The following CFAP54 variants were observed in gnomAD, a reference collection of about 807,000 sequenced individuals.
The protein encoded by CFAP54 is cilia- and flagella-associated protein 54.
Under a neutral mutation model 370.4 loss-of-function variants are expected in CFAP54, and 290 were observed. The observed-to-expected ratio is 0.78, with a 90% CI of 0.71 to 0.86. CFAP54 has a LOEUF of 0.86. CFAP54 is among the 40% of genes least tolerant of loss of function. The probability of loss-of-function intolerance (pLI) is 0.00; values close to 1 mark genes in which losing one functional copy is unlikely to be tolerated. For missense variants in CFAP54, 3,399 were observed against 3,528.7 expected (o/e 0.96, Z 0.93); for synonymous variants, 1,206 against 1,236.5 (o/e 0.98, Z 0.52).
At chr12:96,733,342 A>G (rs1342549227) in intron 50 of CFAP54, among the ~76,000 whole-genome samples, 1 of 152,166 alleles carries the variant, frequency 6.6e-6, no homozygotes, top group Non-Finnish European at 1.5e-5. Context: ...TTGACATTTC[A>G]TGATACTTCT....
intron 63 of CFAP54, among the ~76,000 whole-genome samples, chr12:96,802,150 C>T (rs1464207177): frequency 6.6e-6 from 1 of 152,018 alleles, no homozygotes; most frequent in Non-Finnish European, 1.5e-5. Context: ...CAAGGAGGGA[C>T]AAGAAAACCA....
At chr12:96,604,430 G>GC (rs1565910972) in intron 26 of CFAP54, among the ~76,000 whole-genome samples, 6 of 152,232 alleles carry the variant, frequency 3.9e-5, no homozygotes, top group Non-Finnish European at 1.5e-5. Flanking sequence ...CACTTGAGGA[G>GC]GCAGTCTGTC....
At chr12:96,837,654 C>T (rs1331934816) in intron 66 of CFAP54, among the ~76,000 whole-genome samples, 1 of 152,224 alleles carries the variant, frequency 6.6e-6, no homozygotes, top group African/African-American at 2.4e-5. Context: ...AGGAATGACT[C>T]ATGATACATC....
chr12:96,621,875 G>GTTTGTTTTTTTTTTTTTTTTTTTTTTTT lies in CFAP54; in HGVS notation c.3771+157_3771+158insGTTTTTTTTTTTTTTTTTTTTTTTTTTT, dbSNP rs1956496257. 1.6e-4 allele frequency among the ~76,000 whole-genome samples: 8 copies of GTTTGTTTTTTTTTTTTTTTTTTTTTTTT among 50,036 alleles called. 2 individuals carry two copies. The highest frequency in any genetic ancestry group is 2.6e-4 in the Non-Finnish European group (8 of 30,232). 32.8% of individuals were successfully genotyped at this position (50,036 alleles called of 152,430 possible). On this transcript the variant is annotated intron_variant, in intron 27 of 67. Coordinates refer to ENST00000524981, the MANE Select transcript of CFAP54 (RefSeq NM_001306084.2). ...ATTATAGTAAAGAGCTTTTGGGTTT[G>GTTTGTTTTTTTTTTTTTTTTTTTTTTTT]TTTTTTTTTTTTTTTTTTTTTTTTT...
At chr12:96,709,911 AG>A (rs1453960606) in intron 48 of CFAP54, among the ~76,000 whole-genome samples, 1 of 151,886 alleles carries the variant, frequency 6.6e-6, no homozygotes, top group Non-Finnish European at 1.5e-5. Context: ...TCGTAGAGAT[AG>A]GGTTTCACCA....
chr12:96,829,112 G>A lies in CFAP54; in HGVS notation c.9171+24G>A, dbSNP rs112719948. 38 of 1,309,784 alleles carry A rather than the reference G, an allele frequency of 2.9e-5. No homozygotes were observed. In the African/African-American group the frequency reaches 3.2e-4, roughly 11 times the overall value. 81.1% of individuals were successfully genotyped at this position (1,309,784 alleles called of 1,614,324 possible). A position where few individuals can be genotyped will look rare whatever the true frequency, so the allele number is the denominator to read the frequency against. On this transcript the variant is annotated intron_variant, in intron 66 of 67. Coordinates refer to ENST00000524981, the MANE Select transcript of CFAP54 (RefSeq NM_001306084.2). ...AGGTATGTATTTCTCCTTTAAAATTGTATCTAATTCACTCACAAGTATTAT... is the reference window on the plus strand; with the variant it reads ...AGGTATGTATTTCTCCTTTAAAATTATATCTAATTCACTCACAAGTATTAT...
At chr12:96,653,067 A>G (rs1228405673) in intron 36 of CFAP54, among the ~76,000 whole-genome samples, 1 of 152,240 alleles carries the variant, frequency 6.6e-6, no homozygotes, top group Non-Finnish European at 1.5e-5. Context: ...CCCTGATTCC[A>G]CAGGGAGAGG....
intron 55 of CFAP54, among the ~76,000 whole-genome samples, chr12:96,744,891 T>TCAA (rs1384560655): frequency 6.6e-6 from 1 of 152,124 alleles, no homozygotes; most frequent in African/African-American, 2.4e-5. Flanking sequence ...TCATTCCCCC[T>TCAA]CGACGTGTCC....
chr12:96,523,712 T>TAA (rs1955345249), intron 8 of CFAP54, among the ~76,000 whole-genome samples: 1 of 920 alleles, frequency 1.1e-3, no homozygotes, highest in Admixed American at 7.7e-3. Context: ...CTCCCCGGCA[T>TAA]TTTTTTTCTC....
rs573490577 is a variant in CFAP54, at chr12:96,512,241, G to T, written c.740-745G>T. Among the ~76,000 whole-genome samples, 116 of 136,102 alleles carry T rather than the reference G, an allele frequency of 8.5e-4. 3 individuals are homozygous for T. Among genetic ancestry groups the T allele is most frequent in the African/African-American group, 3.1e-3 (113 of 36,266 alleles). 89.3% of individuals were successfully genotyped at this position (136,102 alleles called of 152,430 possible). On this transcript the variant is annotated intron_variant, in intron 4 of 67. Coordinates refer to ENST00000524981, the MANE Select transcript of CFAP54 (RefSeq NM_001306084.2). ...GCCATGCTGATTAAATATGTATTCT[G>T]ATCTTATTTGGAGATAAATCTTTAG...
At chr12:96,704,917 C>CTT in intron 47 of CFAP54, 121 bp downstream of exon 47, 3 of 343,744 alleles carry the variant, frequency 8.7e-6, no homozygotes, top group Non-Finnish European at 1.7e-5. Flanking sequence ...ATATTCTTTT[C>CTT]TTTTTTTTTC....
At chr12:96,758,184 G>A (rs555906722) in intron 58 of CFAP54, among the ~76,000 whole-genome samples, 1 of 152,256 alleles carries the variant, frequency 6.6e-6, no homozygotes, top group African/African-American at 2.4e-5. Flanking sequence ...AAAGGAAGGA[G>A]ATCAGAGGAG....
At chr12:96,648,166 G>A in intron 34 of CFAP54, 149 bp downstream of exon 34, 1 of 520,270 alleles carries the variant, frequency 1.9e-6, no homozygotes, top group Non-Finnish European at 3.0e-6. Context: ...ATATTTTGTA[G>A]GAGATTCTTG....
At chr12:96,608,050 A>G (rs1592879010) in intron 26 of CFAP54, among the ~76,000 whole-genome samples, 2 of 152,326 alleles carry the variant, frequency 1.3e-5, no homozygotes, top group Middle Eastern at 6.8e-3. Flanking sequence ...ACAGGGGAAG[A>G]CGAAAAGGAG....
Position 96,649,924 on chromosome 12 carries a change from T to C in CFAP54, c.4724T>C (p.Ile1575Thr). ...GAATTTTCTACATTTATTAATTCCATAATGAGTGATGAAAATATGTCCAAG... is the reference window on the plus strand; with the variant it reads ...GAATTTTCTACATTTATTAATTCCACAATGAGTGATGAAAATATGTCCAAG... ...AEEFSTFINS[I>T]MSDENMSKTQ... is the part of the protein sequence containing the mutation. The change falls in exon 35 of 68, where the codon ATA (isoleucine) becomes ACA (threonine). Residue 1575 changes from isoleucine (I) to threonine (T), a missense_variant. Ile to Thr is a moderately conservative substitution (Grantham distance 89). This residue lies in a region of CFAP54 where 2,796 missense variants were observed against 2,869.7 expected (regional missense o/e 0.97). Transcript: ENST00000524981. The C allele has an allele frequency of 6.2e-7, 1 of 1,607,294 alleles. No homozygotes were observed.
chr12:96,677,178 A>C (rs1241295591), intron 39 of CFAP54, among the ~76,000 whole-genome samples: 1 of 114,568 alleles, frequency 8.7e-6, no homozygotes, highest in African/African-American at 3.2e-5. Flanking sequence ...AACTTATTTT[A>C]TTTTATTTTT....
chr12:96,647,660 T>C (rs1222193492), intron 33 of CFAP54, among the ~76,000 whole-genome samples: 1 of 151,886 alleles, frequency 6.6e-6, no homozygotes, highest in Admixed American at 6.6e-5. Flanking sequence ...CAGAGAAATA[T>C]ATATTGATGT....
At chr12:96,702,598 AG>A (rs1957503712) in intron 46 of CFAP54, among the ~76,000 whole-genome samples, 1 of 152,232 alleles carries the variant, frequency 6.6e-6, no homozygotes, top group Non-Finnish European at 1.5e-5. Flanking sequence ...TTTTACAAGT[AG>A]ATTCCAAACT....
intron 43 of CFAP54, among the ~76,000 whole-genome samples, chr12:96,690,303 T>C (rs1372990731): frequency 6.6e-6 from 1 of 152,222 alleles, no homozygotes; most frequent in Admixed American, 6.5e-5. Context: ...TAGAATAGGA[T>C]ATCTCATGAC....
Sources: allele counts gnomAD v4.1 joint callset (sites outside exome capture counted in the v4.1 genomes callset), GRCh38; gene constraint gnomAD v4.1.1; regional missense constraint gnomAD v4.1.1; transcripts MANE v1.5; gene names NCBI Gene and HGNC (gene_info 2026-07-23, HGNC 2026-07-21).